The following ACTN1 variants were observed in gnomAD, a reference collection of about 807,000 sequenced individuals.
ACTN1 encodes the protein alpha-actinin-1.
A neutral mutation model predicts 119.6 loss-of-function variants in ACTN1; 30 were observed. The ratio of observed to expected loss-of-function variants is 0.25; its 90% CI spans 0.19 to 0.34. The LOEUF (loss-of-function observed/expected upper bound fraction) is 0.34. ACTN1 is among the 10% of genes least tolerant of loss of function. ACTN1 has a pLI of 1.00. For missense variants in ACTN1, 764 were observed against 1,223.4 expected (o/e 0.62, Z 5.60); for synonymous variants, 429 against 472.6 (o/e 0.91, Z 1.20).
At chr14:68,973,177 T>A (rs1465396593) in intron 1 of ACTN1, among the ~76,000 whole-genome samples, 1 of 152,072 alleles carries the variant, frequency 6.6e-6, no homozygotes, top group Admixed American at 6.5e-5. Flanking sequence ...TTTCCCCCCA[T>A]CTGCTGAGAA....
chr14:68,946,946 G>A (rs1290949744), intron 1 of ACTN1, among the ~76,000 whole-genome samples: 24 of 152,216 alleles, frequency 1.6e-4, no homozygotes, highest in Admixed American at 1.6e-3. Flanking sequence ...CCTCAGGCCA[G>A]CCCCTTCAAG....
At chr14:68,889,937 G>A (rs1452926918) in intron 11 of ACTN1, among the ~76,000 whole-genome samples, 1 of 152,264 alleles carries the variant, frequency 6.6e-6, no homozygotes, top group Non-Finnish European at 1.5e-5. Context: ...AAGCCTGTGA[G>A]GTTGGTACTA....
intron 1 of ACTN1, among the ~76,000 whole-genome samples, chr14:68,948,480 A>C (rs58128696): frequency 6.6e-6 from 1 of 152,188 alleles, no homozygotes; most frequent in Non-Finnish European, 1.5e-5. Context: ...TGGGAGGCTG[A>C]GGCAGGAGAA....
chr14:68,912,286 G>A, intron 3 of ACTN1, 44 bp from the exon 4 acceptor site: 1 of 1,535,098 alleles, frequency 6.5e-7, no homozygotes, highest in Non-Finnish European at 9.0e-7. Context: ...GCCTCAGCGG[G>A]GACAGAATTA....
intron 1 of ACTN1, among the ~76,000 whole-genome samples, chr14:68,960,503 A>G (rs2036496519): frequency 6.6e-6 from 1 of 152,188 alleles, no homozygotes; most frequent in Non-Finnish European, 1.5e-5. Context: ...TTTTACCTCA[A>G]TAAAGCTGGG....
chr14:68,942,776 C>T (rs1471881871), intron 1 of ACTN1, among the ~76,000 whole-genome samples: 2 of 152,150 alleles, frequency 1.3e-5, no homozygotes, highest in Non-Finnish European at 2.9e-5. Flanking sequence ...ATTCCCTGCT[C>T]AATGCAATCC....
At chr14:68,969,003 GC>G (rs934664828) in intron 1 of ACTN1, among the ~76,000 whole-genome samples, 4 of 152,114 alleles carry the variant, frequency 2.6e-5, no homozygotes, top group Non-Finnish European at 5.9e-5. Flanking sequence ...TCAGGTACAG[GC>G]CCCCCAGCCA....
intron 8 of ACTN1, among the ~76,000 whole-genome samples, chr14:68,894,017 C>T (rs1480685042): frequency 6.6e-6 from 1 of 152,140 alleles, no homozygotes; most frequent in African/African-American, 2.4e-5. Context: ...GCCCAACCTG[C>T]AGGTTGGGAA....
At position 68,901,440 on chromosome 14, in the gene ACTN1, G is replaced by A. The variant is rs144586924; in HGVS notation, c.762+1037C>T. ...TTTTTGTATTTTTAGTAGAGACGGG[G>A]TTTCACCATGTTGGCCAGGCTGGTC... On this transcript the variant is annotated intron_variant, in intron 8 of 21. Coordinates refer to ENST00000394419, the MANE Select transcript of ACTN1 (RefSeq NM_001130004.2). 9.0e-3 allele frequency among the ~76,000 whole-genome samples: 1,369 copies of A among 152,058 alleles called. 23 individuals are homozygous for A. The highest frequency in any genetic ancestry group is 0.031 in the African/African-American group (1,304 of 41,472).
chr14:68,961,063 C>A (rs191882846), intron 1 of ACTN1, among the ~76,000 whole-genome samples: 1 of 152,140 alleles, frequency 6.6e-6, no homozygotes, highest in South Asian at 2.1e-4. Flanking sequence ...GAGTGAGACC[C>A]TGTCTCTAAA....
rs181974540 is a variant in ACTN1 at position 68,879,362 on chromosome 14, C to A, written c.2281-293G>T. Among the ~76,000 whole-genome samples, 258 of 152,090 alleles carry A rather than the reference C, an allele frequency of 1.7e-3. 1 individual carries two copies. Among genetic ancestry groups the A allele is most frequent in the African/African-American group, 5.8e-3 (242 of 41,486 alleles). The stretch of plus-strand genomic sequence containing the variant: ...AGAAGCTCCCTCAGAAGTGACCCAG[C>A]CCCCCCGCTTCCCCAGGGGCTTCCC... On this transcript the variant is annotated intron_variant, in intron 18 of 21. Coordinates refer to ENST00000394419, the MANE Select transcript of ACTN1 (RefSeq NM_001130004.2). This position sits in a 1 kb window ranked among gnomAD's most constrained non-coding sequence, Gnocchi z 4.9.
intron 1 of ACTN1, chr14:68,936,697 C>G (rs1440050035): frequency 1.6e-6 from 1 of 633,318 alleles, no homozygotes; most frequent in Admixed American, 1.9e-5. Flanking sequence ...GGCAAGAAGC[C>G]GGAGGAAAGG....
chr14:68,912,076 T>C, intron 4 of ACTN1, 80 bp downstream of exon 4: 1 of 1,346,150 alleles, frequency 7.4e-7, no homozygotes, highest in East Asian at 2.3e-5. Context: ...TCCGTTGCCC[T>C]GGGTATGGGA....
chr14:68,962,343 A>AG (rs2036566794), intron 1 of ACTN1, among the ~76,000 whole-genome samples: 1 of 152,026 alleles, frequency 6.6e-6, no homozygotes, highest in Admixed American at 6.5e-5. Flanking sequence ...ATTCCCTTCC[A>AG]GGGCATCCTT....
chr14:68,895,481 C>T (rs147890560), intron 8 of ACTN1, among the ~76,000 whole-genome samples: 1,741 of 152,242 alleles, frequency 0.011, 38 homozygotes, highest in African/African-American at 0.04. Context: ...ATGGGACTGA[C>T]TGGGGAGCAG....
At chr14:68,888,353 T>C (rs1410789676) in intron 11 of ACTN1, 1 of 285,082 alleles carries the variant, frequency 3.5e-6, no homozygotes. Context: ...AGGTCAATCT[T>C]TGCTTTGTAC....
chr14:68,885,401 G>A lies in ACTN1; in HGVS notation c.1385+24C>T, dbSNP rs1443725322. Reference sequence around the variant, plus strand: ...CCCAGCCTCAGCCCCTCACCACAGGGTAGGGGTGTCTGGGGCCACCTACTT... The same window carrying A: ...CCCAGCCTCAGCCCCTCACCACAGGATAGGGGTGTCTGGGGCCACCTACTT... On this transcript the variant is annotated intron_variant, in intron 12 of 21. Transcript: ENST00000394419. The surrounding 1 kb of genome is among the most constrained non-coding windows in gnomAD (Gnocchi z 5.6). The A allele has an allele frequency of 6.2e-7, 1 of 1,602,234 alleles. No individual in the cohort carries two copies. Among genetic ancestry groups the A allele is most frequent in the Admixed American group, 1.7e-5 (1 of 59,674 alleles).
chr14:68,933,899 C>G (rs1255007778), intron 1 of ACTN1, among the ~76,000 whole-genome samples: 1 of 151,652 alleles, frequency 6.6e-6, no homozygotes, highest in Non-Finnish European at 1.5e-5. Context: ...ATTGCTTGAG[C>G]CTGGGAGATG....
In ACTN1 at chr14:68,939,860, G is replaced by A. The variant is rs556546321; in HGVS notation, c.106-14188C>T. Among the ~76,000 whole-genome samples, 4 of 152,194 alleles carry A rather than the reference G, an allele frequency of 2.6e-5. No homozygotes were observed. The South Asian group carries it at 8.3e-4, about 32-fold the overall frequency. On this transcript the variant is annotated intron_variant, in intron 1 of 21. Transcript: ENST00000394419. ...GACCCCGCTAAGCCTTTTATATCAA[G>A]ACGTGGTTTTGTTTTTAACCCATTT...
Sources: gnomAD v4.1 joint callset for allele counts (sites outside exome capture counted in the v4.1 genomes callset) on GRCh38, gnomAD v4.1.1 for gene constraint, Gnocchi (gnomAD v3.1) non-coding constraint, MANE v1.5 for transcripts, NCBI Gene and HGNC (gene_info 2026-07-23, HGNC 2026-07-21) for gene names.